Variants in NBPF15 observed in about 807,000 individuals in gnomAD.
NBPF15 encodes the protein NBPF member 15, also known as NBPF family member NBPF15.
NBPF15 carries 74 observed loss-of-function variants against 62.2 expected under a neutral mutation model. The ratio of observed to expected loss-of-function variants is 1.19; its 90% confidence interval spans 0.99 to 1.44. The LOEUF (loss-of-function observed/expected upper bound fraction) is 1.44, where lower values mean the gene tolerates loss of function less well. NBPF15 is among the 40% of genes most tolerant of loss of function. The pLI is 0.00. For synonymous variants in NBPF15, 244 were observed against 209.7 expected, an observed-to-expected ratio of 1.16 and a Z score of -1.41; for missense variants, 790 against 550.0, an observed-to-expected ratio of 1.44 and a Z score of -4.36.
intron 13 of NBPF15, among the ~76,000 whole-genome samples, chr1:144,431,972 C>T (rs1204273745): frequency 4.0e-5 from 6 of 150,982 alleles, no homozygotes; most frequent in Admixed American, 4.0e-4. Context: ...TGTGTCTTTA[C>T]AGCAGCATGA....
rs1189796726 is a variant in NBPF15, at chr1:144,439,809, G to A, written c.175+20C>T. The A allele has an allele frequency of 3.6e-5, 57 of 1,572,754 alleles. No homozygotes were observed. In the Middle Eastern group the frequency reaches 9.1e-4, roughly 25 times the overall value. Reference sequence around the variant, plus strand: ...GGACATCATTCATCACTTTCATGACGGTGAGCCTATAGATCTTACTGTATT... The same window carrying A: ...GGACATCATTCATCACTTTCATGACAGTGAGCCTATAGATCTTACTGTATT... On this transcript the variant is annotated intron_variant, in intron 8 of 21. Transcript: ENST00000581897.
At position 144,422,943 on chromosome 1, in the gene NBPF15, T is replaced by C. The variant is rs1488164106; in HGVS notation, c.*70A>G. 40 of 1,611,446 alleles carry C rather than the reference T, an allele frequency of 2.5e-5. No homozygotes were observed. The highest frequency in any genetic ancestry group is 3.3e-5 in the Non-Finnish European group (39 of 1,179,580). ...TGGGCTTCCAAATGGAACTGTACTT[T>C]CATTCAAATCTTCTCGTGCCTATAG... is the stretch of plus-strand genomic sequence containing the variant. On this transcript the variant is annotated 3_prime_UTR_variant, in exon 22 of 22. Coordinates refer to ENST00000581897, the MANE Select transcript of NBPF15 (RefSeq NM_001385408.1).
rs1485260630 is a variant in NBPF15 at position 144,441,997 on chromosome 1, A to G, written c.-190-1702T>C. Among the ~76,000 whole-genome samples the G allele has an allele frequency of 2.0e-4, 30 of 147,750 alleles. 1 individual carries two copies. The highest frequency in any genetic ancestry group is 7.3e-4 in the African/African-American group (29 of 39,814). On this transcript the variant is annotated intron_variant, in intron 6 of 21. Transcript: ENST00000581897. ...GGACACAGGGCGGGGAACATCACAC[A>G]CCAGGGCCTGTCATGGGGTGAGGGC...
chr1:144,442,176 ATAT>A (rs1683684524), intron 6 of NBPF15, among the ~76,000 whole-genome samples: 1 of 111,516 alleles, frequency 9.0e-6, no homozygotes, highest in Non-Finnish European at 1.8e-5. Context: ...ATATATATAT[ATAT>A]AATATATATA....
chr1:144,452,404 G>A (rs587759058), intron 4 of NBPF15, among the ~76,000 whole-genome samples: 27 of 151,736 alleles, frequency 1.8e-4, no homozygotes, highest in East Asian at 1.4e-3. Flanking sequence ...GTCACAAAAC[G>A]AACACAATAG....
intron 6 of NBPF15, chr1:144,442,473 C>T (rs1330720070): frequency 6.7e-5 from 10 of 149,100 alleles, no homozygotes; most frequent in Non-Finnish European, 1.0e-4. Context: ...TACTGCACAG[C>T]TAGCAGAGTC....
Position 144,423,155 on chromosome 1 carries a change from G to A in NBPF15, c.1871C>T (p.Ser624Leu), listed in dbSNP as rs1401407267. ...TPSMYFEQPDSFQHYRSVFYS... is the reference protein window; with the variant it reads ...TPSMYFEQPDLFQHYRSVFYS... ...AAACACACTTCTGTAGTGCTGGAAT[G>A]AGTCAGGTTGTTCAAAGTACATTGA... Residue 624 changes from serine to leucine, a missense_variant, in exon 22 of 22, where the codon TCA becomes TTA. Coordinates refer to ENST00000581897, the MANE Select transcript of NBPF15 (RefSeq NM_001385408.1). 1.9e-6 allele frequency: 3 copies of A among 1,611,614 alleles called. No homozygotes were observed. Among genetic ancestry groups the A allele is most frequent in the Non-Finnish European group, 2.5e-6 (3 of 1,179,604 alleles).
intron 4 of NBPF15, among the ~76,000 whole-genome samples, chr1:144,456,066 G>A (rs1478058987): frequency 4.6e-5 from 7 of 151,852 alleles, no homozygotes; most frequent in Non-Finnish European, 8.8e-5. Context: ...CATCTAGAGG[G>A]CACTGCCTAA....
rs1316732095 is a variant in NBPF15 at position 144,440,210 on chromosome 1, G to C, written c.-105C>G. The stretch of plus-strand genomic sequence containing the variant: ...TCACCACAAAAACAAGGTTCGAGGT[G>C]CCTCAACTCAGAGCTGAAAGCACTG... On this transcript the variant is annotated 5_prime_UTR_variant, in exon 7 of 22. Coordinates refer to ENST00000581897, the MANE Select transcript of NBPF15 (RefSeq NM_001385408.1). 2.0e-6 allele frequency: 3 copies of C among 1,522,526 alleles called. No individual in the cohort carries two copies. The highest frequency in any genetic ancestry group is 1.8e-6 in the Non-Finnish European group (2 of 1,131,486). 94.3% of individuals were successfully genotyped at this position (1,522,526 alleles called of 1,614,324 possible).
In NBPF15 at chr1:144,439,857, G is replaced by A. The variant is rs1681521038; in HGVS notation, c.147C>T (p.Gly49=). 5.6e-6 allele frequency: 9 copies of A among 1,608,916 alleles called. No homozygotes were observed. Among genetic ancestry groups the A allele is most frequent in the Non-Finnish European group, 6.8e-6 (8 of 1,177,992 alleles). ...KEKCFLTQLA[G]FLANRQKKYK... ...ATTTCTTCTGTCGGTTGGCCAGGAA[G>A]CCGGCCAGTTGAGTTAGAAAACATT... Residue 49 remains glycine (G), a synonymous_variant, in exon 8 of 22, where the codon GGC becomes GGT. Transcript: ENST00000581897.
At chr1:144,450,548 C>G (rs1690427607) in intron 5 of NBPF15, among the ~76,000 whole-genome samples, 1 of 150,284 alleles carries the variant, frequency 6.7e-6, no homozygotes, top group South Asian at 2.1e-4. Context: ...GGATTTTAGC[C>G]TCACATGACT....
chr1:144,426,514 A>C, intron 17 of NBPF15, 64 bp from the exon 18 acceptor site: 1 of 778,154 alleles, frequency 1.3e-6, no homozygotes, highest in East Asian at 2.4e-5. Context: ...AGCCCCAGCT[A>C]GATTTCATGG....
intron 6 of NBPF15, among the ~76,000 whole-genome samples, chr1:144,444,651 C>G (rs1161136516): frequency 6.6e-6 from 1 of 151,902 alleles, no homozygotes; most frequent in South Asian, 2.1e-4. Flanking sequence ...TGAATGCACA[C>G]TTCCACATAC....
Position 144,445,003 on chromosome 1 carries a change from G to A in NBPF15, c.-191+3772C>T, listed in dbSNP as rs1318921714. ...TCCTACAAGTATAAGACTTCCAAGT[G>A]CTTTATATCCTCACCAACAGGTGCT... On this transcript the variant is annotated intron_variant, in intron 6 of 21. Coordinates refer to ENST00000581897, the MANE Select transcript of NBPF15 (RefSeq NM_001385408.1). 8.6e-5 allele frequency among the ~76,000 whole-genome samples: 13 copies of A among 151,504 alleles called. 1 individual carries two copies. The highest frequency in any genetic ancestry group is 2.9e-4 in the African/African-American group (12 of 41,354).
intron 3 of NBPF15, among the ~76,000 whole-genome samples, chr1:144,457,229 AT>A: frequency 6.6e-6 from 1 of 152,184 alleles, no homozygotes; most frequent in East Asian, 1.9e-4. Flanking sequence ...CTTGAGGCAG[AT>A]CTTAGTGAAC....
At chr1:144,432,289 A>G (rs2101906268) in intron 13 of NBPF15, among the ~76,000 whole-genome samples, 1 of 151,702 alleles carries the variant, frequency 6.6e-6, no homozygotes. Context: ...GGCCTGCCTT[A>G]CAAGAGCTCC....
At chr1:144,443,336 C>T (rs1200192288) in intron 6 of NBPF15, among the ~76,000 whole-genome samples, 2 of 151,944 alleles carry the variant, frequency 1.3e-5, no homozygotes, top group East Asian at 3.9e-4. Flanking sequence ...TACACCATTA[C>T]TACTGTTTTA....
chr1:144,438,651 C>G (rs370496827), intron 8 of NBPF15, among the ~76,000 whole-genome samples: 4 of 151,896 alleles, frequency 2.6e-5, no homozygotes, highest in Admixed American at 6.6e-5. Context: ...GCAGAATGAA[C>G]AACTAATAGA....
At chr1:144,446,212 TC>T (rs1553544007) in intron 6 of NBPF15, among the ~76,000 whole-genome samples, 2 of 151,258 alleles carry the variant, frequency 1.3e-5, no homozygotes, top group African/African-American at 4.9e-5. Context: ...GAAATTGTAT[TC>T]TTATTTCATT....
Sources: gnomAD v4.1 joint callset for allele counts (sites outside exome capture counted in the v4.1 genomes callset) on GRCh38, gnomAD v4.1.1 for gene constraint, MANE v1.5 for transcripts, NCBI Gene and HGNC (gene_info 2026-07-23, HGNC 2026-07-21) for gene names.